The following EFNA5 variants were observed in gnomAD, a reference collection of about 807,000 sequenced individuals.
The protein encoded by EFNA5 is ephrin-A5.
Under a neutral mutation model 22.9 loss-of-function variants are expected in EFNA5, and 5 were observed. The observed-to-expected ratio is 0.22, with a 90% CI of 0.11 to 0.46. The LOEUF (loss-of-function observed/expected upper bound fraction) is 0.46, where lower values mean the gene tolerates loss of function less well. Among genes scored for constraint, EFNA5 ranks in the 20% least tolerant of loss-of-function variants. EFNA5 has a pLI of 0.99. For missense variants in EFNA5, 237 were observed against 293.3 expected, an observed-to-expected ratio of 0.81 and a Z score of 1.40; for synonymous variants, 113 against 112.2, an observed-to-expected ratio of 1.01 and a Z score of -0.04.
chr5:107,593,678 C>G (rs1383814488), intron 1 of EFNA5, among the ~76,000 whole-genome samples: 1 of 152,032 alleles, frequency 6.6e-6, no homozygotes, highest in Non-Finnish European at 1.5e-5. Flanking sequence ...ATGCAGCCAG[C>G]ATTGAACTAT....
intron 1 of EFNA5, among the ~76,000 whole-genome samples, chr5:107,622,729 G>A (rs903018749): frequency 6.6e-6 from 1 of 151,972 alleles, no homozygotes. Flanking sequence ...AGTCTCAAAA[G>A]TTGAATACTC....
At chr5:107,606,578 C>G (rs993212720) in intron 1 of EFNA5, among the ~76,000 whole-genome samples, 7 of 136,846 alleles carry the variant, frequency 5.1e-5, no homozygotes, top group African/African-American at 1.6e-4. Flanking sequence ...CACACACACA[C>G]ACACAGAGCT....
intron 1 of EFNA5, among the ~76,000 whole-genome samples, chr5:107,473,822 A>C (rs1028828251): frequency 2.6e-5 from 4 of 151,892 alleles, no homozygotes; most frequent in Non-Finnish European, 5.9e-5. Context: ...CACCACGCCC[A>C]GCGAATTTTT....
chr5:107,416,298 G>C (rs1748503014), intron 2 of EFNA5, among the ~76,000 whole-genome samples: 1 of 152,160 alleles, frequency 6.6e-6, no homozygotes, highest in Admixed American at 6.6e-5. Flanking sequence ...ATAACGACTT[G>C]CCAATGATGC....
In EFNA5 at chr5:107,575,007, G is replaced by A. The variant is rs145109418; in HGVS notation, c.125+95482C>T. Among the ~76,000 whole-genome samples, 20 of 152,302 alleles carry A rather than the reference G, an allele frequency of 1.3e-4. No homozygotes were observed. In the East Asian group the frequency reaches 3.3e-3, roughly 25 times the overall value. On this transcript the variant is annotated intron_variant, in intron 1 of 4. Transcript: ENST00000333274. Reference sequence around the variant, plus strand: ...TAATATGGGAAGAAGCCACAGCAGAGGGCACTTGCTCTGCTTTGCTGATGC... The same window carrying A: ...TAATATGGGAAGAAGCCACAGCAGAAGGCACTTGCTCTGCTTTGCTGATGC...
Position 107,591,894 on chromosome 5 carries a change from TATATA to T in EFNA5, c.125+78590_125+78594del, listed in dbSNP as rs1255619884. 3.6e-3 allele frequency among the ~76,000 whole-genome samples: 48 copies of T among 13,368 alleles called. 11 individuals carry two copies. Among genetic ancestry groups the T allele is most frequent in the African/African-American group, 0.027 (48 of 1,752 alleles). 8.8% of individuals were successfully genotyped at this position (13,368 alleles called of 152,430 possible). Reference sequence around the variant, plus strand: ...TATATAATATATAATATATATATTATATATAATATATAATATAAAAAATATATATA... The same window carrying T: ...TATATAATATATAATATATATATTATATATATAATATAAAAAATATATATA... On this transcript the variant is annotated intron_variant, in intron 1 of 4. Coordinates refer to ENST00000333274, the MANE Select transcript of EFNA5 (RefSeq NM_001962.3).
intron 2 of EFNA5, among the ~76,000 whole-genome samples, chr5:107,403,440 T>TA (rs3839265): frequency 6.6e-6 from 1 of 152,356 alleles, no homozygotes; most frequent in East Asian, 1.9e-4. Flanking sequence ...TGAAAGAATT[T>TA]AGATGTCTCT....
At chr5:107,525,573 A>G (rs1747678660) in intron 1 of EFNA5, among the ~76,000 whole-genome samples, 1 of 152,202 alleles carries the variant, frequency 6.6e-6, no homozygotes, top group African/African-American at 2.4e-5. Context: ...ATTATATACT[A>G]TATTCTTACA....
At chr5:107,399,348 AGG>A (rs1247184713) in intron 2 of EFNA5, among the ~76,000 whole-genome samples, 10 of 149,944 alleles carry the variant, frequency 6.7e-5, no homozygotes, top group Non-Finnish European at 1.2e-4. Context: ...AGGAAAGGAA[AGG>A]AAAGGAAAGG....
At chr5:107,514,336 C>T (rs1747433793) in intron 1 of EFNA5, among the ~76,000 whole-genome samples, 1 of 152,104 alleles carries the variant, frequency 6.6e-6, no homozygotes, top group Non-Finnish European at 1.5e-5. Context: ...AAGGAACATT[C>T]CAAATACACA....
chr5:107,538,301 C>A (rs1418917498), intron 1 of EFNA5, among the ~76,000 whole-genome samples: 1 of 152,184 alleles, frequency 6.6e-6, no homozygotes, highest in East Asian at 1.9e-4. Context: ...GGAAAAATAA[C>A]AATTTAATTA....
chr5:107,660,291 T>TATATATATATAA (rs1750923407), intron 1 of EFNA5, among the ~76,000 whole-genome samples: 1 of 116,660 alleles, frequency 8.6e-6, no homozygotes, highest in Non-Finnish European at 1.8e-5. Context: ...TATATATATA[T>TATATATATATAA]ATATATATAT....
At chr5:107,509,711 G>A (rs1747325493) in intron 1 of EFNA5, among the ~76,000 whole-genome samples, 1 of 152,046 alleles carries the variant, frequency 6.6e-6, no homozygotes, top group Admixed American at 6.5e-5. Flanking sequence ...AAACGTAGAT[G>A]AGGAACACTG....
intron 1 of EFNA5, among the ~76,000 whole-genome samples, chr5:107,576,970 T>C (rs775617808): frequency 1.3e-5 from 2 of 152,198 alleles, no homozygotes; most frequent in South Asian, 4.1e-4. Context: ...CATGGAAATC[T>C]GTTTCAACTT....
In EFNA5 at chr5:107,661,174, G is replaced by A. The variant is rs1013977454; in HGVS notation, c.125+9315C>T. Reference sequence around the variant, plus strand: ...AAAAAGTATTAGCTAAATAAAGCAGGCAAACACTTTGCTGCAGCAGAACCA... The same window carrying A: ...AAAAAGTATTAGCTAAATAAAGCAGACAAACACTTTGCTGCAGCAGAACCA... On this transcript the variant is annotated intron_variant, in intron 1 of 4. Coordinates refer to ENST00000333274, the MANE Select transcript of EFNA5 (RefSeq NM_001962.3). Among the ~76,000 whole-genome samples, 9 of 151,416 alleles carry A rather than the reference G, an allele frequency of 5.9e-5. 1 individual carries two copies. In the South Asian group the frequency reaches 8.4e-4, roughly 14 times the overall value.
chr5:107,397,083 TAA>T (rs1491256109), intron 2 of EFNA5, among the ~76,000 whole-genome samples: 8 of 132,088 alleles, frequency 6.1e-5, no homozygotes, highest in South Asian at 5.3e-4. Flanking sequence ...CTCCACTCTT[TAA>T]TTTTTTTTTT....
intron 1 of EFNA5, among the ~76,000 whole-genome samples, chr5:107,546,783 T>A (rs1330568440): frequency 6.6e-6 from 1 of 152,036 alleles, no homozygotes; most frequent in Non-Finnish European, 1.5e-5. Context: ...CAACCAGCAG[T>A]TATTTTTATT....
chr5:107,471,272 T>C (rs1197337875), intron 1 of EFNA5, among the ~76,000 whole-genome samples: 1 of 152,132 alleles, frequency 6.6e-6, no homozygotes, highest in East Asian at 1.9e-4. Flanking sequence ...AACTCCTACC[T>C]TCAGGCCTCT....
At chr5:107,554,784 A>C (rs543813769) in intron 1 of EFNA5, among the ~76,000 whole-genome samples, 1 of 152,336 alleles carries the variant, frequency 6.6e-6, no homozygotes, top group South Asian at 2.1e-4. Flanking sequence ...CAGATAGGAA[A>C]ACCGAGTCTT....
Sources: allele counts gnomAD v4.1 joint callset (sites outside exome capture counted in the v4.1 genomes callset), GRCh38; gene constraint gnomAD v4.1.1; transcripts MANE v1.5; gene names NCBI Gene and HGNC (gene_info 2026-07-23, HGNC 2026-07-21).